HGSNAT: variants seen among roughly 807,000 people sequenced by gnomAD.
HGSNAT encodes the protein heparan-alpha-glucosaminide N-acetyltransferase.
Under a neutral mutation model 85.2 loss-of-function variants are expected in HGSNAT, and 59 were observed. The observed-to-expected ratio is 0.69, with a 90% CI of 0.56 to 0.86. HGSNAT has a LOEUF of 0.86. HGSNAT is among the 40% of genes least tolerant of loss of function. HGSNAT has a pLI of 0.00. For missense variants in HGSNAT, 756 were observed against 777.1 expected, an observed-to-expected ratio of 0.97 and a Z score of 0.32; for synonymous variants, 321 against 304.5, an observed-to-expected ratio of 1.05 and a Z score of -0.56.
intron 15 of HGSNAT, chr8:43,197,415 C>T (rs902479594): frequency 1.1e-5 from 6 of 554,542 alleles, no homozygotes; most frequent in Non-Finnish European, 1.9e-5. Flanking sequence ...CGCAGCCATG[C>T]CTCCTCTTCA....
chr8:43,172,850 G>T (rs1803674647), intron 8 of HGSNAT, among the ~76,000 whole-genome samples: 1 of 152,154 alleles, frequency 6.6e-6, no homozygotes, highest in South Asian at 2.1e-4. Context: ...CTTTACAAAT[G>T]GATTAGTGCT....
chr8:43,158,878 T>C lies in HGSNAT; in HGVS notation c.372-45T>C, dbSNP rs1490805021. ...GATATTAGCAAAATCCAACTTCTTA[T>C]TTTCTAATCTAACCACTTGTCTTAA... On this transcript the variant is annotated intron_variant, in intron 3 of 17. Coordinates refer to ENST00000379644, the MANE Select transcript of HGSNAT (RefSeq NM_152419.3). 7 of 1,574,912 alleles carry C rather than the reference T, an allele frequency of 4.4e-6. No homozygotes were observed. The Admixed American group carries it at 9.2e-5, about 21-fold the overall frequency.
chr8:43,196,355 T>C, intron 14 of HGSNAT: 1 of 640,036 alleles, frequency 1.6e-6, no homozygotes, highest in Non-Finnish European at 2.5e-6. Flanking sequence ...AAGTCCATAT[T>C]TCACTGTTTT....
At chr8:43,182,927 C>T (rs1804182439) in intron 11 of HGSNAT, among the ~76,000 whole-genome samples, 1 of 152,042 alleles carries the variant, frequency 6.6e-6, no homozygotes, top group Non-Finnish European at 1.5e-5. Context: ...GAGATCTATC[C>T]TCTTAACAAA....
intron 11 of HGSNAT, among the ~76,000 whole-genome samples, chr8:43,189,028 G>A (rs978501361): frequency 6.6e-6 from 1 of 152,186 alleles, no homozygotes; most frequent in Non-Finnish European, 1.5e-5. Flanking sequence ...GCTGTATGGG[G>A]TGTCAGTCGG....
intron 9 of HGSNAT, among the ~76,000 whole-genome samples, chr8:43,174,774 A>G (rs895980443): frequency 2.0e-5 from 3 of 152,174 alleles, no homozygotes; most frequent in Non-Finnish European, 1.5e-5. Flanking sequence ...AAACAATCCA[A>G]TTATAATTTT....
Position 43,198,508 on chromosome 8 carries a change from T to C in HGSNAT, c.1726+556T>C, listed in dbSNP as rs1376667674. On this transcript the variant is annotated intron_variant, in intron 17 of 17. Coordinates refer to ENST00000379644, the MANE Select transcript of HGSNAT (RefSeq NM_152419.3). ...TTCACAGTGTTAGCTAGGATGGTCT[T>C]GATCTCCCGACCTCGTGATCCGCCC... Among the ~76,000 whole-genome samples, 9 of 152,130 alleles carry C rather than the reference T, an allele frequency of 5.9e-5. No homozygotes were observed. The South Asian group carries it at 1.0e-3, about 18-fold the overall frequency.
chr8:43,151,218 G>C (rs1447942227), intron 2 of HGSNAT, among the ~76,000 whole-genome samples: 1 of 152,240 alleles, frequency 6.6e-6, no homozygotes, highest in Non-Finnish European at 1.5e-5. Context: ...CTGGTGAACT[G>C]AGCTGAATAA....
intron 9 of HGSNAT, among the ~76,000 whole-genome samples, chr8:43,177,474 C>T (rs200173354): frequency 1.6e-4 from 23 of 145,416 alleles, no homozygotes; most frequent in Non-Finnish European, 8.9e-5. Flanking sequence ...GGGAGAATGG[C>T]GTGAACCCAG....
chr8:43,178,594 C>CTTTTTTTTTT (rs58996359), intron 10 of HGSNAT, among the ~76,000 whole-genome samples: 1 of 96,908 alleles, frequency 1.0e-5, no homozygotes, highest in Non-Finnish European at 2.3e-5. Context: ...CATCAGCTTT[C>CTTTTTTTTTT]TTTTTTTTTT....
rs886062957 is a variant in HGSNAT, at chr8:43,200,603, G to A, written c.*1034G>A. ...GATGATCCTCCACAATGGAGGCAGC[G>A]TTCCTACTTGTCATCACACAGCTGA... is the stretch of plus-strand genomic sequence containing the variant. On this transcript the variant is annotated 3_prime_UTR_variant, in exon 18 of 18. Coordinates refer to ENST00000379644, the MANE Select transcript of HGSNAT (RefSeq NM_152419.3). 7 of 152,488 alleles carry A rather than the reference G, an allele frequency of 4.6e-5. No homozygotes were observed. The highest frequency in any genetic ancestry group is 2.1e-4 in the South Asian group (1 of 4,832). The allele number at this position is 152,488 out of a possible 1,614,324, so 9.4% of individuals were successfully genotyped here.
intron 2 of HGSNAT, among the ~76,000 whole-genome samples, chr8:43,148,083 A>C (rs537570403): frequency 6.6e-6 from 1 of 152,154 alleles, no homozygotes; most frequent in East Asian, 1.9e-4. Context: ...TCTCTACTAA[A>C]AATACAAAAT....
intron 11 of HGSNAT, among the ~76,000 whole-genome samples, chr8:43,189,702 G>A (rs1804459709): frequency 1.3e-5 from 2 of 152,198 alleles, no homozygotes; most frequent in South Asian, 2.1e-4. Flanking sequence ...CTCACACTGG[G>A]AGCTGTATAC....
At position 43,161,488 on chromosome 8, in the gene HGSNAT, T is replaced by C; in HGVS notation, c.544T>C (p.Phe182Leu). ...IGLAVIIVISFLRLLLSLDDF... is the reference protein window; with the variant it reads ...IGLAVIIVISLLRLLLSLDDF... ...TCTTGCTGTCATCATTGTGATATCC[T>C]TTCTGAGGCTCTTGTTGAGGTAAGA... Residue 182 changes from phenylalanine to leucine, a missense_variant, in exon 5 of 18, where the codon TTT (phenylalanine) becomes CTT (leucine). Physicochemically the swap from Phe to Leu is conservative, Grantham distance 22 (BLOSUM62 0). Transcript: ENST00000379644. The C allele has an allele frequency of 3.1e-6, 5 of 1,608,780 alleles. No homozygotes were observed. Among genetic ancestry groups the C allele is most frequent in the Non-Finnish European group, 4.2e-6 (5 of 1,177,322 alleles).
At chr8:43,167,923 CTTTTT>C in intron 5 of HGSNAT, 1 of 236,578 alleles carries the variant, frequency 4.2e-6, no homozygotes, top group Non-Finnish European at 8.5e-6. Context: ...TTCTTTCTTT[CTTTTT>C]TTTTTTTTGA....
intron 14 of HGSNAT, 58 bp downstream of exon 14, chr8:43,193,901 C>CCTT: frequency 1.3e-6 from 2 of 1,597,342 alleles, no homozygotes; most frequent in South Asian, 2.2e-5. Flanking sequence ...TTTATTCACT[C>CCTT]ATTTAAAAAC....
At chr8:43,165,563 T>TG in intron 5 of HGSNAT, among the ~76,000 whole-genome samples, 1 of 152,208 alleles carries the variant, frequency 6.6e-6, no homozygotes. Flanking sequence ...GCTAGGCCTC[T>TG]TGTGCCCAAC....
intron 4 of HGSNAT, among the ~76,000 whole-genome samples, chr8:43,160,359 A>G (rs1803232080): frequency 6.6e-6 from 1 of 152,240 alleles, no homozygotes; most frequent in African/African-American, 2.4e-5. Flanking sequence ...GGCATATACT[A>G]TATGAGTGGA....
chr8:43,178,233 A>G lies in HGSNAT; in HGVS notation c.1011A>G (p.Pro337=). The G allele has an allele frequency of 6.6e-7, 1 of 1,521,328 alleles. No individual in the cohort carries two copies. Among genetic ancestry groups the G allele is most frequent in the Non-Finnish European group, 8.8e-7 (1 of 1,137,946 alleles). The allele number at this position is 1,521,328 out of a possible 1,614,324, so 94.2% of individuals were successfully genotyped here. A position where few individuals can be genotyped will look rare whatever the true frequency, so the allele number is the denominator to read the frequency against. ...IIVNPNYCLG[P]LSWDKVRIPG... Reference sequence around the variant, plus strand: ...TGAATCCCAATTATTGCCTTGGTCCATGTAAGTACTTTTTCCCTCTGTTAT... The same window carrying G: ...TGAATCCCAATTATTGCCTTGGTCCGTGTAAGTACTTTTTCCCTCTGTTAT... Residue 337 remains proline (P), a splice_region_variant and synonymous_variant, in exon 10 of 18, where the codon CCA becomes CCG. Coordinates refer to ENST00000379644, the MANE Select transcript of HGSNAT (RefSeq NM_152419.3).
Sources: gnomAD v4.1 joint callset for allele counts (sites outside exome capture counted in the v4.1 genomes callset) on GRCh38, gnomAD v4.1.1 for gene constraint, MANE v1.5 for transcripts, NCBI Gene and HGNC (gene_info 2026-07-23, HGNC 2026-07-21) for gene names.